The following SMOC2 variants were observed in gnomAD, a reference collection of about 807,000 sequenced individuals.
SMOC2 encodes SPARC-related modular calcium-binding protein 2.
SMOC2 carries 39 observed loss-of-function variants against 61.4 expected under a neutral mutation model. The ratio of observed to expected loss-of-function variants is 0.64; its 90% CI spans 0.49 to 0.83. SMOC2 has a LOEUF of 0.83. Among genes scored for constraint, SMOC2 ranks in the 40% least tolerant of loss-of-function variants. SMOC2 has a pLI of 0.00. For missense variants in SMOC2, 556 were observed against 592.9 expected, an observed-to-expected ratio of 0.94 and a Z score of 0.65; for synonymous variants, 247 against 239.9, an observed-to-expected ratio of 1.03 and a Z score of -0.27.
In SMOC2 at chr6:168,652,997, G is replaced by C. The variant is rs991950351; in HGVS notation, c.1054G>C (p.Val352Leu). 8 of 1,613,898 alleles carry C rather than the reference G, an allele frequency of 5.0e-6. No homozygotes were observed. The African/African-American group carries it at 1.1e-4, about 22-fold the overall frequency. Residue 352 changes from valine to leucine, a missense_variant, in exon 11 of 13, where the codon GTG (valine) becomes CTG (leucine). Val to Leu is a conservative substitution (Grantham distance 32). Coordinates refer to ENST00000356284, the MANE Select transcript of SMOC2 (RefSeq NM_001166412.2). ...DPSHTLEERV[V>L]HWYFKLLDKN... ...CAGCCATACCCTAGAGGAGCGGGTG[G>C]TGCACTGGTACTTCAAACTACTGGA...
chr6:168,598,966 G>C lies in SMOC2; in HGVS notation c.786G>C (p.Leu262=), dbSNP rs778498390. ...CCACGGGGTACTGCTGGTGCGTCCT[G>C]GTGGACACGGGGCGCCCCATTCCCG... ...HPSTGYCWCV[L]VDTGRPIPGT... is the part of the protein sequence containing the mutation. The change falls in exon 8 of 13, where the codon CTG becomes CTC. Residue 262 remains leucine (L), a synonymous_variant. Transcript: ENST00000356284. 1 of 1,612,454 alleles carries C rather than the reference G, an allele frequency of 6.2e-7. No homozygotes were observed. The highest frequency in any genetic ancestry group is 1.7e-5 in the Admixed American group (1 of 59,788).
In SMOC2 at chr6:168,441,575, G is replaced by A. The variant is rs947837033; in HGVS notation, c.84+121G>A. On this transcript the variant is annotated intron_variant, in intron 1 of 12. Coordinates refer to ENST00000356284, the MANE Select transcript of SMOC2 (RefSeq NM_001166412.2). ...CTGGGCACGGGGAGCAGGTGGCCCC[G>A]GGGGCCGTGGAGCCTTCGCCTGCCG... The A allele has an allele frequency of 5.4e-5, 70 of 1,288,464 alleles. 1 individual carries two copies. In the Admixed American group the frequency reaches 1.2e-3, roughly 22 times the overall value. 79.8% of individuals were successfully genotyped at this position (1,288,464 alleles called of 1,614,324 possible). A position where few individuals can be genotyped will look rare whatever the true frequency, so the allele number is the denominator to read the frequency against.
chr6:168,605,465 T>G (rs1785663114), intron 8 of SMOC2, among the ~76,000 whole-genome samples: 1 of 152,170 alleles, frequency 6.6e-6, no homozygotes, highest in Non-Finnish European at 1.5e-5. Context: ...AAGCTGAAAT[T>G]AACGGACTTA....
intron 11 of SMOC2, among the ~76,000 whole-genome samples, chr6:168,660,353 C>T (rs993080731): frequency 1.3e-5 from 2 of 152,162 alleles, no homozygotes; most frequent in East Asian, 1.9e-4. Flanking sequence ...AGGACTGGTC[C>T]GCATTGCTCT....
At chr6:168,516,665 C>CA (rs1324962951) in intron 2 of SMOC2, among the ~76,000 whole-genome samples, 1 of 152,278 alleles carries the variant, frequency 6.6e-6, no homozygotes, top group African/African-American at 2.4e-5. Flanking sequence ...ACAGGTATCA[C>CA]AATCAGATTC....
intron 9 of SMOC2, among the ~76,000 whole-genome samples, chr6:168,618,452 A>G (rs1786155860): frequency 6.7e-6 from 1 of 149,992 alleles, no homozygotes; most frequent in African/African-American, 2.5e-5. Flanking sequence ...GGGTAGTGGC[A>G]TTAGGAGAGT....
chr6:168,545,326 C>G (rs184202415), intron 5 of SMOC2, among the ~76,000 whole-genome samples: 4 of 152,072 alleles, frequency 2.6e-5, no homozygotes, highest in East Asian at 1.9e-4. Context: ...ACACACCCCC[C>G]ACTTTAGGCC....
chr6:168,591,953 G>T (rs978731149), intron 7 of SMOC2, among the ~76,000 whole-genome samples: 1 of 151,874 alleles, frequency 6.6e-6, no homozygotes, highest in Non-Finnish European at 1.5e-5. Context: ...TCTATCAATG[G>T]TCATTTTTGG....
chr6:168,600,437 A>ACC lies in SMOC2; in HGVS notation c.824+1433_824+1434insCC, dbSNP rs111509421. Among the ~76,000 whole-genome samples, 666 of 124,876 alleles carry ACC rather than the reference A, an allele frequency of 5.3e-3. 17 individuals are homozygous for ACC. The highest frequency in any genetic ancestry group is 0.019 in the African/African-American group (635 of 33,958). The allele number at this position is 124,876 out of a possible 152,430, so 81.9% of individuals were successfully genotyped here. On this transcript the variant is annotated intron_variant, in intron 8 of 12. Transcript: ENST00000356284. Reference sequence around the variant, plus strand: ...AAAAAAAAAACAAAAAAAAAAACAAAAAAAAAAACAGTAGTTTCAACTGTT... The same window carrying ACC: ...AAAAAAAAAACAAAAAAAAAAACAAACCAAAAAAAACAGTAGTTTCAACTGTT...
intron 7 of SMOC2, among the ~76,000 whole-genome samples, chr6:168,565,541 T>G (rs1236409275): frequency 6.6e-6 from 1 of 152,258 alleles, no homozygotes; most frequent in Non-Finnish European, 1.5e-5. Context: ...AATAAACTTC[T>G]TAAAGGCTTT....
chr6:168,568,820 C>T (rs1001982056), intron 7 of SMOC2, among the ~76,000 whole-genome samples: 8 of 152,176 alleles, frequency 5.3e-5, no homozygotes, highest in South Asian at 2.1e-4. Flanking sequence ...TACTAGTATT[C>T]GTTTAAGGTT....
chr6:168,608,360 G>A (rs1562378801), intron 9 of SMOC2, 121 bp downstream of exon 9: 1 of 1,103,900 alleles, frequency 9.1e-7, no homozygotes, highest in African/African-American at 1.6e-5. Flanking sequence ...TGACTCTGAG[G>A]CCTCCTACCT....
rs765838524 is a variant in SMOC2, at chr6:168,666,408, T to G, written c.1324-13T>G. On this transcript the variant is annotated splice_polypyrimidine_tract_variant and intron_variant, in intron 12 of 12. Transcript: ENST00000356284. ...CTGAATATAATGTCTCTTTTTTGTT[T>G]TTTCCTTTTCAGCCAAGGAAACAAG... The G allele has an allele frequency of 1.9e-5, 30 of 1,613,666 alleles. No individual in the cohort carries two copies. In the East Asian group the frequency reaches 6.7e-4, roughly 36 times the overall value.
At chr6:168,651,564 A>G (rs1787193173) in intron 10 of SMOC2, among the ~76,000 whole-genome samples, 1 of 152,108 alleles carries the variant, frequency 6.6e-6, no homozygotes, top group African/African-American at 2.4e-5. Flanking sequence ...TTTCTTTAGA[A>G]TGTTGGCCTT....
intron 7 of SMOC2, among the ~76,000 whole-genome samples, chr6:168,559,902 A>G (rs1023892666): frequency 4.6e-5 from 7 of 152,314 alleles, no homozygotes; most frequent in Middle Eastern, 6.8e-3. Flanking sequence ...ACTGATGAGG[A>G]CTTGTTTGCC....
At chr6:168,656,993 G>A (rs1485645036) in intron 11 of SMOC2, among the ~76,000 whole-genome samples, 1 of 152,166 alleles carries the variant, frequency 6.6e-6, no homozygotes, top group East Asian at 1.9e-4. Flanking sequence ...TCAATGTTCT[G>A]TCTCCATCAA....
At chr6:168,510,497 G>T (rs6902857) in intron 2 of SMOC2, among the ~76,000 whole-genome samples, 57,812 of 152,052 alleles carry the variant, frequency 0.38, 12,000 homozygotes, top group East Asian at 0.58. Context: ...TTAAGAATTA[G>T]ATTCAGAGTT....
chr6:168,547,439 A>T (rs1784031719), intron 6 of SMOC2, among the ~76,000 whole-genome samples: 1 of 152,076 alleles, frequency 6.6e-6, no homozygotes. Context: ...AAACAGAGGG[A>T]TGAGGCCAGA....
At chr6:168,655,557 G>A in intron 11 of SMOC2, 1 of 384,280 alleles carries the variant, frequency 2.6e-6, no homozygotes, top group Admixed American at 3.0e-5. Flanking sequence ...GTGTGTGCTG[G>A]ATCCTACTGC....
Sources: gnomAD v4.1 joint callset for allele counts (sites outside exome capture counted in the v4.1 genomes callset) on GRCh38, gnomAD v4.1.1 for gene constraint, MANE v1.5 for transcripts, NCBI Gene and HGNC (gene_info 2026-07-23, HGNC 2026-07-21) for gene names.